Variants in CTNNA3 observed in about 807,000 individuals in gnomAD.
CTNNA3 encodes the protein catenin alpha-3.
A neutral mutation model predicts 95.7 loss-of-function variants in CTNNA3; 76 were observed. The ratio of observed to expected loss-of-function variants is 0.79; its 90% CI spans 0.66 to 0.96. The LOEUF (loss-of-function observed/expected upper bound fraction) is 0.96. Ranked by LOEUF, CTNNA3 falls within the 40% of genes least tolerant of loss-of-function variation. CTNNA3 has a pLI of 0.00. For missense variants in CTNNA3, 1,191 were observed against 1,089.8 expected (o/e 1.09, Z -1.31); for synonymous variants, 431 against 374.4 (o/e 1.15, Z -1.74).
intron 10 of CTNNA3, among the ~76,000 whole-genome samples, chr10:66,610,644 G>A (rs1844295908): frequency 6.6e-6 from 1 of 152,182 alleles, no homozygotes; most frequent in Non-Finnish European, 1.5e-5. Flanking sequence ...TAGCAAGGAT[G>A]TGGAGAAAGG....
chr10:66,798,018 T>G (rs1159152939), intron 7 of CTNNA3, among the ~76,000 whole-genome samples: 1 of 151,876 alleles, frequency 6.6e-6, no homozygotes, highest in Non-Finnish European at 1.5e-5. Flanking sequence ...GGAGACTATT[T>G]TCATTATACA....
At chr10:66,437,357 T>C (rs894913126) in intron 11 of CTNNA3, among the ~76,000 whole-genome samples, 1 of 152,120 alleles carries the variant, frequency 6.6e-6, no homozygotes, top group Non-Finnish European at 1.5e-5. Context: ...TCACATAGTC[T>C]CATATTTCTT....
chr10:66,269,345 T>C (rs2091227998), intron 13 of CTNNA3, among the ~76,000 whole-genome samples: 1 of 152,188 alleles, frequency 6.6e-6, no homozygotes, highest in South Asian at 2.1e-4. Context: ...GTAAATGCAT[T>C]GTCAATGTGA....
intron 3 of CTNNA3, among the ~76,000 whole-genome samples, chr10:67,579,026 TATATATAC>T (rs1352300561): frequency 0.038 from 3,365 of 88,474 alleles, 154 homozygotes; most frequent in African/African-American, 0.14. Context: ...TATATATATA[TATATATAC>T]ACACACACAC....
chr10:65,990,192 G>A (rs1487291587), intron 15 of CTNNA3, among the ~76,000 whole-genome samples: 1 of 151,682 alleles, frequency 6.6e-6, no homozygotes, highest in Non-Finnish European at 1.5e-5. Flanking sequence ...ATAAAAATAG[G>A]GGTGCAGGTA....
chr10:66,637,226 A>G (rs1218468410), intron 9 of CTNNA3, among the ~76,000 whole-genome samples: 2 of 152,232 alleles, frequency 1.3e-5, no homozygotes, highest in African/African-American at 4.8e-5. Flanking sequence ...GCAAATACTG[A>G]AAGTTACATT....
At chr10:66,727,834 T>A (rs962965704) in intron 9 of CTNNA3, among the ~76,000 whole-genome samples, 3 of 152,172 alleles carry the variant, frequency 2.0e-5, no homozygotes, top group African/African-American at 4.8e-5. Context: ...GGAATATTTT[T>A]AATAAAATTT....
At chr10:66,013,361 C>A (rs1237644816) in intron 15 of CTNNA3, among the ~76,000 whole-genome samples, 1 of 152,184 alleles carries the variant, frequency 6.6e-6, no homozygotes, top group African/African-American at 2.4e-5. Flanking sequence ...AACTATAAGT[C>A]TATATAAGTT....
At chr10:67,336,674 G>A (rs560718619) in intron 5 of CTNNA3, among the ~76,000 whole-genome samples, 1 of 152,272 alleles carries the variant, frequency 6.6e-6, no homozygotes, top group African/African-American at 2.4e-5. Flanking sequence ...AAGACAGGTG[G>A]ACTCTCTTGC....
Position 66,178,426 on chromosome 10 carries a change from T to C in CTNNA3, c.1885-75177A>G, listed in dbSNP as rs371177117. ...ATATATATATATATATATATATATATATATATATATATATATACACACACA... is the reference window on the plus strand; with the variant it reads ...ATATATATATATATATATATATATACATATATATATATATATACACACACA... On this transcript the variant is annotated intron_variant, in intron 13 of 17. Transcript: ENST00000433211. Among the ~76,000 whole-genome samples, 110 of 67,278 alleles carry C rather than the reference T, an allele frequency of 1.6e-3. 1 individual carries two copies. Among genetic ancestry groups the C allele is most frequent in the South Asian group, 5.5e-3 (10 of 1,826 alleles). 44.1% of individuals were successfully genotyped at this position (67,278 alleles called of 152,430 possible). A position where few individuals can be genotyped will look rare whatever the true frequency, so the allele number is the denominator to read the frequency against.
At chr10:67,194,386 G>C (rs546844970) in intron 6 of CTNNA3, among the ~76,000 whole-genome samples, 1 of 151,880 alleles carries the variant, frequency 6.6e-6, no homozygotes, top group Non-Finnish European at 1.5e-5. Context: ...GCACTAAAAA[G>C]AAATGAGATA....
intron 11 of CTNNA3, among the ~76,000 whole-genome samples, chr10:66,436,246 C>T (rs1186168376): frequency 2.0e-5 from 3 of 152,032 alleles, no homozygotes; most frequent in Non-Finnish European, 2.9e-5. Flanking sequence ...TTTTCTGTCT[C>T]GTTTATCTGT....
chr10:66,517,580 G>A (rs961618719), intron 11 of CTNNA3, among the ~76,000 whole-genome samples: 2 of 152,050 alleles, frequency 1.3e-5, no homozygotes, highest in Admixed American at 6.6e-5. Flanking sequence ...CTAAAAGGGG[G>A]AGGCATGAAT....
Position 67,726,168 on chromosome 10 carries a change from TATA to T in CTNNA3, c.-2+37263_-2+37265del, listed in dbSNP as rs1275702847. 8.5e-3 allele frequency among the ~76,000 whole-genome samples: 849 copies of T among 99,754 alleles called. 20 individuals are homozygous for T. Among genetic ancestry groups the T allele is most frequent in the African/African-American group, 0.034 (812 of 23,922 alleles). The allele number at this position is 99,754 out of a possible 152,430, so 65.4% of individuals were successfully genotyped here. A position where few individuals can be genotyped will look rare whatever the true frequency, so the allele number is the denominator to read the frequency against. Reference sequence around the variant, plus strand: ...TTATATATTATAATATATAATCTTATATAATAATATATATTATTATAATATATA... The same window carrying T: ...TTATATATTATAATATATAATCTTATATAATATATATTATTATAATATATA... On this transcript the variant is annotated intron_variant, in intron 1 of 17. Coordinates refer to the CTNNA3 transcript ENST00000684154.
chr10:66,932,747 T>A (rs1158122525), intron 7 of CTNNA3, among the ~76,000 whole-genome samples: 1 of 152,190 alleles, frequency 6.6e-6, no homozygotes, highest in African/African-American at 2.4e-5. Context: ...TTCCTAATCA[T>A]AATAGCCTAC....
chr10:67,392,633 A>G (rs1844548964), intron 5 of CTNNA3, among the ~76,000 whole-genome samples: 2 of 152,236 alleles, frequency 1.3e-5, no homozygotes, highest in South Asian at 4.1e-4. Flanking sequence ...ACTCTTCACA[A>G]GAGCAAAGAC....
At chr10:67,591,159 AT>A (rs1564766674) in intron 3 of CTNNA3, among the ~76,000 whole-genome samples, 1 of 152,138 alleles carries the variant, frequency 6.6e-6, no homozygotes, top group Non-Finnish European at 1.5e-5. Context: ...TGGGCAAATA[AT>A]TTTAAGCCTT....
intron 13 of CTNNA3, among the ~76,000 whole-genome samples, chr10:66,154,739 T>TATATATATATATATATATATA (rs1554870361): frequency 1.4e-5 from 2 of 143,398 alleles, no homozygotes; most frequent in African/African-American, 5.1e-5. Context: ...TATATATATA[T>TATATATATATATATATATATA]ATTTCCCTTG....
intron 7 of CTNNA3, among the ~76,000 whole-genome samples, chr10:67,056,828 T>C (rs553740738): frequency 6.6e-6 from 1 of 152,314 alleles, no homozygotes; most frequent in East Asian, 1.9e-4. Context: ...TGTCATTTAC[T>C]TGTATAACCT....
Sources: gnomAD v4.1 joint callset for allele counts (sites outside exome capture counted in the v4.1 genomes callset) on GRCh38, gnomAD v4.1.1 for gene constraint, MANE v1.5 for transcripts, NCBI Gene and HGNC (gene_info 2026-07-23, HGNC 2026-07-21) for gene names.